CPT1A: variants seen among roughly 807,000 people sequenced by gnomAD.
CPT1A encodes carnitine palmitoyltransferase 1A, also known as carnitine O-palmitoyltransferase 1, liver isoform.
In CPT1A, 64 loss-of-function variants were observed where a neutral mutation model predicts 100.8. The ratio of observed to expected loss-of-function variants is 0.63; its 90% CI spans 0.52 to 0.78. The LOEUF (loss-of-function observed/expected upper bound fraction) is 0.78, where lower values mean the gene tolerates loss of function less well. Ranked by LOEUF, CPT1A falls within the 30% of genes least tolerant of loss-of-function variation. CPT1A has a pLI of 0.00. For synonymous variants in CPT1A, 363 were observed against 396.0 expected (o/e 0.92, Z 0.99); for missense variants, 802 against 1,034.1 (o/e 0.78, Z 3.08).
At chr11:68,797,435 T>C (rs1488851200) in intron 6 of CPT1A, among the ~76,000 whole-genome samples, 4 of 151,508 alleles carry the variant, frequency 2.6e-5, no homozygotes, top group African/African-American at 4.9e-5. Context: ...CTTTGGGAGG[T>C]TGAGACAGGA....
intron 1 of CPT1A, among the ~76,000 whole-genome samples, chr11:68,834,009 C>A (rs533007930): frequency 6.6e-6 from 1 of 152,198 alleles, no homozygotes; most frequent in African/African-American, 2.4e-5. Context: ...TGAAAGGTTG[C>A]GTCTTGAATT....
At chr11:68,814,093 C>T (rs553791536) in intron 2 of CPT1A, among the ~76,000 whole-genome samples, 83 of 150,708 alleles carry the variant, frequency 5.5e-4, no homozygotes, top group African/African-American at 1.9e-3. Flanking sequence ...GGGGGGTCAG[C>T]GGGGGGGGAT....
rs138616250 is a variant in CPT1A at position 68,814,969 on chromosome 11, G to A, written c.141+365C>T. On this transcript the variant is annotated intron_variant, in intron 2 of 18. Coordinates refer to ENST00000265641, the MANE Select transcript of CPT1A (RefSeq NM_001876.4). ...CCCAAAGTGCAGGGATTATAGGTGT[G>A]AGCCACTGCACCTGGCCTGGAAAAA... 1.1e-4 allele frequency among the ~76,000 whole-genome samples: 16 copies of A among 152,276 alleles called. No homozygotes were observed. The East Asian group carries it at 2.9e-3, about 28-fold the overall frequency.
chr11:68,779,668 C>T (rs1321618723), intron 12 of CPT1A, among the ~76,000 whole-genome samples: 2 of 151,660 alleles, frequency 1.3e-5, no homozygotes, highest in African/African-American at 4.8e-5. Context: ...TGGTGGCACA[C>T]ACCTGTAGTC....
intron 10 of CPT1A, among the ~76,000 whole-genome samples, 196 bp from the exon 11 acceptor site, chr11:68,782,155 G>A (rs576732845): frequency 1.3e-5 from 2 of 152,306 alleles, no homozygotes; most frequent in East Asian, 3.9e-4. Flanking sequence ...CACAGCATGG[G>A]GAGCGGTGGG....
intron 14 of CPT1A, among the ~76,000 whole-genome samples, chr11:68,766,765 G>A (rs548901321): frequency 6.6e-6 from 1 of 151,180 alleles, no homozygotes; most frequent in East Asian, 1.9e-4. Flanking sequence ...TGGGATTACA[G>A]GCGTCAACTA....
chr11:68,834,081 G>A (rs1324218260), intron 1 of CPT1A, among the ~76,000 whole-genome samples: 1 of 152,162 alleles, frequency 6.6e-6, no homozygotes, highest in African/African-American at 2.4e-5. Flanking sequence ...TTCCTGTACT[G>A]AAGTTTATCA....
At chr11:68,811,160 A>G (rs1328099694) in intron 3 of CPT1A, among the ~76,000 whole-genome samples, 2 of 152,212 alleles carry the variant, frequency 1.3e-5, no homozygotes, top group African/African-American at 4.8e-5. Context: ...CAGACCCGGC[A>G]TTGTGCCTTC....
At position 68,799,289 on chromosome 11, in the gene CPT1A, C is replaced by A. The variant is rs781266594; in HGVS notation, c.622G>T (p.Asp208Tyr). 1 of 1,614,082 alleles carries A rather than the reference C, an allele frequency of 6.2e-7. No individual in the cohort carries two copies. Among genetic ancestry groups the A allele is most frequent in the Non-Finnish European group, 8.5e-7 (1 of 1,179,982 alleles). The change falls in exon 6 of 19, where the codon GAT becomes TAT. Residue 208 changes from aspartate (D) to tyrosine (Y), a missense_variant. Physicochemically the swap from Asp to Tyr is radical, Grantham distance 160 (BLOSUM62 -3). This residue lies in a region of CPT1A where 627 missense variants were observed against 799.3 expected (regional missense o/e 0.78). Coordinates refer to ENST00000265641, the MANE Select transcript of CPT1A (RefSeq NM_001876.4). ...DFKRMTALAQ[D>Y]FAVGLGPRLQ... Reference sequence around the variant, plus strand: ...CTTGGTCCAAGACCGACAGCAAAATCTTGAGCAAGTGCTGTCATCCGTTTG... The same window carrying A: ...CTTGGTCCAAGACCGACAGCAAAATATTGAGCAAGTGCTGTCATCCGTTTG...
rs1171204272 is a variant in CPT1A, at chr11:68,841,226, C to A, written c.-14+549G>T. Among the ~76,000 whole-genome samples the A allele has an allele frequency of 1.3e-5, 2 of 152,074 alleles. No homozygotes were observed. Among genetic ancestry groups the A allele is most frequent in the Non-Finnish European group, 2.9e-5 (2 of 67,972 alleles). On this transcript the variant is annotated intron_variant, in intron 1 of 18. Transcript: ENST00000265641. This position sits in a 1 kb window ranked among gnomAD's most constrained non-coding sequence, Gnocchi z 6.3. ...GTAGGTGACCAACCCACGGGCGGAC[C>A]CCCAGACCCAATCCTCTCCAGAGCC...
intron 3 of CPT1A, among the ~76,000 whole-genome samples, chr11:68,811,255 G>T (rs1216445376): frequency 6.6e-6 from 1 of 152,074 alleles, no homozygotes; most frequent in Non-Finnish European, 1.5e-5. Flanking sequence ...ACCCACCTCG[G>T]TCTCCCAAAG....
At chr11:68,779,029 C>T (rs2153997556) in intron 12 of CPT1A, among the ~76,000 whole-genome samples, 1 of 152,208 alleles carries the variant, frequency 6.6e-6, no homozygotes, top group Non-Finnish European at 1.5e-5. Context: ...CGTGATCCGC[C>T]TGCCTCGGCC....
At chr11:68,802,920 A>AAT (rs1855944117) in intron 5 of CPT1A, among the ~76,000 whole-genome samples, 2 of 150,026 alleles carry the variant, frequency 1.3e-5, no homozygotes, top group Admixed American at 1.3e-4. Flanking sequence ...AAAAAAAAAA[A>AAT]GAAAATGAAA....
At chr11:68,770,885 C>T (rs1223543967) in intron 14 of CPT1A, among the ~76,000 whole-genome samples, 2 of 152,234 alleles carry the variant, frequency 1.3e-5, no homozygotes, top group African/African-American at 4.8e-5. Flanking sequence ...TCGAACAAGC[C>T]TGCCTGCTTC....
At chr11:68,788,850 C>T (rs576508784) in intron 9 of CPT1A, among the ~76,000 whole-genome samples, 3 of 152,020 alleles carry the variant, frequency 2.0e-5, no homozygotes, top group South Asian at 2.1e-4. Context: ...TTGCTGGGGA[C>T]GTGAAAGTTG....
intron 1 of CPT1A, among the ~76,000 whole-genome samples, chr11:68,824,558 C>T (rs1305980530): frequency 6.6e-6 from 1 of 152,144 alleles, no homozygotes; most frequent in African/African-American, 2.4e-5. Context: ...TTAGGTATTA[C>T]AAGATATTGT....
At position 68,768,213 on chromosome 11, in the gene CPT1A, G is replaced by C. The variant is rs577140762; in HGVS notation, c.1740+5052C>G. On this transcript the variant is annotated intron_variant, in intron 14 of 18. Transcript: ENST00000265641. ...GCCTCAGCCTCCCGAGTAGCTGGGA[G>C]TACAGGCGCCCGCCACCGCGCCCGG... Among the ~76,000 whole-genome samples, 15 of 150,870 alleles carry C rather than the reference G, an allele frequency of 9.9e-5. No individual in the cohort carries two copies. The East Asian group carries it at 1.2e-3, about 12-fold the overall frequency.
At chr11:68,770,609 C>T (rs139121916) in intron 14 of CPT1A, among the ~76,000 whole-genome samples, 123 of 152,302 alleles carry the variant, frequency 8.1e-4, no homozygotes, top group African/African-American at 2.8e-3. Context: ...AAACGTGAAA[C>T]GTCTTCTTAG....
chr11:68,795,869 A>G (rs1855743219), intron 7 of CPT1A, among the ~76,000 whole-genome samples: 1 of 151,758 alleles, frequency 6.6e-6, no homozygotes, highest in African/African-American at 2.4e-5. Flanking sequence ...GAATTGCACC[A>G]GTGCACTCCA....
Sources: allele counts gnomAD v4.1 joint callset (sites outside exome capture counted in the v4.1 genomes callset), GRCh38; gene constraint gnomAD v4.1.1; regional missense constraint gnomAD v4.1.1; non-coding constraint Gnocchi (gnomAD v3.1); transcripts MANE v1.5; gene names NCBI Gene and HGNC (gene_info 2026-07-23, HGNC 2026-07-21).